Variants in TMEM185A observed in about 807,000 individuals in gnomAD.
TMEM185A encodes the protein transmembrane protein 185A.
TMEM185A carries 9 observed loss-of-function variants against 25.0 expected under a neutral mutation model. The observed-to-expected ratio is 0.36, with a 90% CI of 0.22 to 0.63. The LOEUF is 0.63. Ranked by LOEUF, TMEM185A falls within the 20% of genes least tolerant of loss-of-function variation. TMEM185A has a pLI of 0.68. For missense variants in TMEM185A, 103 were observed against 237.4 expected, an observed-to-expected ratio of 0.43 and a Z score of 3.72; for synonymous variants, 45 against 93.5, an observed-to-expected ratio of 0.48 and a Z score of 2.99.
chrX:149,605,378 TA>T (rs2090043503), intron 3 of TMEM185A, among the ~76,000 whole-genome samples: 32 of 97,561 alleles, frequency 3.3e-4, no homozygotes, highest in South Asian at 1.6e-3. Flanking sequence ...TCACTTTCTA[TA>T]GCCTCCCATG....
At chrX:149,598,898 G>A (rs1310793357) in intron 6 of TMEM185A, among the ~76,000 whole-genome samples, 1 of 65,519 alleles carries the variant, frequency 1.5e-5, no homozygotes, top group Non-Finnish European at 2.5e-5. Context: ...CGGGTGCGGG[G>A]TAGGGGGCAG....
chrX:149,614,538 G>A (rs1291547388), intron 1 of TMEM185A, among the ~76,000 whole-genome samples: 4 of 110,272 alleles, frequency 3.6e-5, no homozygotes, highest in African/African-American at 1.3e-4. Flanking sequence ...TGTAAGAAAC[G>A]GAAGGAAATT....
chrX:149,602,225 TCA>T, intron 4 of TMEM185A: 1 of 108,475 alleles, frequency 9.2e-6, no homozygotes, highest in Non-Finnish European at 1.9e-5. Flanking sequence ...TGGCCTGTCT[TCA>T]TTTCATTTTA....
chrX:149,630,867 A>G (rs2090187728), intron 1 of TMEM185A, among the ~76,000 whole-genome samples: 1 of 111,669 alleles, frequency 9.0e-6, no homozygotes, highest in African/African-American at 3.3e-5. Context: ...CACACTGTCC[A>G]CTGGGTGTTC....
At chrX:149,608,504 T>C (rs1439780913) in intron 3 of TMEM185A, 123 bp downstream of exon 3, 3 of 621,372 alleles carry the variant, frequency 4.8e-6, no homozygotes, top group Non-Finnish European at 7.4e-6. Flanking sequence ...CTAATTTTTG[T>C]ATTATTAGTA....
At chrX:149,623,032 A>AT (rs1557355648) in intron 1 of TMEM185A, among the ~76,000 whole-genome samples, 1 of 112,298 alleles carries the variant, frequency 8.9e-6, no homozygotes, top group East Asian at 2.8e-4. Context: ...TGTTAGGCAC[A>AT]TTTCAATTCC....
At chrX:149,620,308 G>C (rs1247352351) in intron 1 of TMEM185A, among the ~76,000 whole-genome samples, 2 of 111,958 alleles carry the variant, frequency 1.8e-5, no homozygotes. Flanking sequence ...CATGAAAACA[G>C]CAGCTTGTAA....
rs781835633 is a variant in TMEM185A, at chrX:149,608,616, T to G, written c.423+11A>C. On this transcript the variant is annotated intron_variant, in intron 3 of 6. Coordinates refer to ENST00000600449, the MANE Select transcript of TMEM185A (RefSeq NM_032508.4). ...AAAGTGGAAAACATTCTTAAATATATGAAATCTCACCTCTAGTGACCTGTC... is the reference window on the plus strand; with the variant it reads ...AAAGTGGAAAACATTCTTAAATATAGGAAATCTCACCTCTAGTGACCTGTC... 1.7e-6 allele frequency: 2 copies of G among 1,209,216 alleles called. No homozygotes were observed. Among genetic ancestry groups the G allele is most frequent in the East Asian group, 3.0e-5 (1 of 33,833 alleles).
At chrX:149,614,626 G>GA (rs782115632) in intron 1 of TMEM185A, among the ~76,000 whole-genome samples, 15 of 111,304 alleles carry the variant, frequency 1.3e-4, no homozygotes, top group South Asian at 3.8e-4. Context: ...AGGGATTAGA[G>GA]AAAAAAATCA....
chrX:149,626,957 C>A (rs782574990), intron 1 of TMEM185A, among the ~76,000 whole-genome samples: 10 of 112,257 alleles, frequency 8.9e-5, no homozygotes, highest in Non-Finnish European at 1.7e-4. Context: ...CAGAATAGAA[C>A]GAATGGGAAT....
chrX:149,614,315 C>T (rs905410296), intron 1 of TMEM185A, among the ~76,000 whole-genome samples: 2 of 111,695 alleles, frequency 1.8e-5, no homozygotes, highest in Middle Eastern at 4.7e-3. Flanking sequence ...TGCCACACTG[C>T]GAAATAATCC....
chrX:149,631,547 G>T lies in TMEM185A; in HGVS notation c.34C>A (p.Pro12Thr). Residue 12 changes from proline (P) to threonine (T), a missense_variant, in exon 1 of 7, where the codon CCG becomes ACG. Around this residue, in one of 2 missense-constraint regions of TMEM185A, gnomAD observed 102 missense variants for 125.7 expected, o/e 0.81. Coordinates refer to ENST00000600449, the MANE Select transcript of TMEM185A (RefSeq NM_032508.4). The stretch of plus-strand genomic sequence containing the variant: ...GCGCCAACGACGCCGCCTCACCTCG[G>T]GTTGAAGTCCTGGAAGAGGCCCCTC... ...NLRGLFQDFN[P>T]SKFLIYACLL... 8.5e-7 allele frequency: 1 copy of T among 1,169,771 alleles called. No individual in the cohort carries two copies. The highest frequency in any genetic ancestry group is 1.1e-6 in the Non-Finnish European group (1 of 874,315).
chrX:149,613,138 T>C (rs1173936063), intron 1 of TMEM185A, among the ~76,000 whole-genome samples: 1 of 111,791 alleles, frequency 8.9e-6, no homozygotes, highest in Non-Finnish European at 1.9e-5. Context: ...CCCCTGATTA[T>C]TCAATCAAAC....
At chrX:149,606,891 T>C (rs1204565128) in intron 3 of TMEM185A, 8 of 112,361 alleles carry the variant, frequency 7.1e-5, no homozygotes, top group African/African-American at 2.6e-4. Flanking sequence ...TGTCCCTCAG[T>C]ATCTGTGGGG....
chrX:149,618,227 G>A (rs782501625), intron 1 of TMEM185A, among the ~76,000 whole-genome samples: 2 of 111,580 alleles, frequency 1.8e-5, no homozygotes, highest in South Asian at 7.6e-4. Flanking sequence ...ATACTCTTTT[G>A]CTTATGATAT....
intron 3 of TMEM185A, among the ~76,000 whole-genome samples, chrX:149,605,658 A>G (rs1557353309): frequency 8.9e-6 from 1 of 112,107 alleles, no homozygotes; most frequent in Non-Finnish European, 1.9e-5. Flanking sequence ...TTTTTCCCAC[A>G]CTGTCACGTT....
rs782195870 is a variant in TMEM185A, at chrX:149,622,542, C to T, written c.38+9001G>A. Among the ~76,000 whole-genome samples the T allele has an allele frequency of 5.3e-5, 6 of 112,328 alleles. No homozygotes were observed. In the South Asian group the frequency reaches 1.8e-3, roughly 34 times the overall value. ...TTACGTAGCAGAACAAGAAAACATA[C>T]TTGCTTTACATATATATAGTTTTTC... On this transcript the variant is annotated intron_variant, in intron 1 of 6. Coordinates refer to ENST00000600449, the MANE Select transcript of TMEM185A (RefSeq NM_032508.4).
At chrX:149,617,505 T>C (rs142983467) in intron 1 of TMEM185A, among the ~76,000 whole-genome samples, 224 of 111,645 alleles carry the variant, frequency 2.0e-3, no homozygotes, top group African/African-American at 7.1e-3. Flanking sequence ...TTTTCAGATG[T>C]TAGGACAATG....
chrX:149,631,735 T>TCGCCGTCGC lies in TMEM185A; in HGVS notation c.-156_-155insGCGACGGCG, dbSNP rs1557356767. ...GTCCCCGCTGCCGTCGCCGTCGCCG[T>TCGCCGTCGC]CGCCGCCGCCGCCGCCGCCGCCGCC... On this transcript the variant is annotated 5_prime_UTR_variant, in exon 1 of 7. Transcript: ENST00000600449. The TCGCCGTCGC allele has an allele frequency of 2.9e-3, 975 of 335,388 alleles. 15 individuals are homozygous for TCGCCGTCGC. The highest frequency in any genetic ancestry group is 3.8e-3 in the Non-Finnish European group (792 of 209,947). The allele number at this position is 335,388 out of a possible 1,213,427, so 27.6% of individuals were successfully genotyped here.
Sources: gnomAD v4.1 joint callset for allele counts (sites outside exome capture counted in the v4.1 genomes callset) on GRCh38, gnomAD v4.1.1 for gene constraint, gnomAD v4.1.1 regional missense constraint, MANE v1.5 for transcripts, NCBI Gene and HGNC (gene_info 2026-07-23, HGNC 2026-07-21) for gene names.